Variants in MOB1B observed in about 807,000 individuals in gnomAD.
The protein encoded by MOB1B is MOB1 Mps One Binder homolog B.
Under a neutral mutation model 24.4 loss-of-function variants are expected in MOB1B, and 19 were observed. The observed-to-expected ratio is 0.78, with a 90% CI of 0.54 to 1.14. MOB1B has a LOEUF of 1.14. MOB1B is among the 50% of genes most tolerant of loss of function. The probability of loss-of-function intolerance (pLI) is 0.00; values close to 1 mark genes in which losing one functional copy is unlikely to be tolerated. For missense variants in MOB1B, 243 were observed against 259.6 expected (o/e 0.94, Z 0.44); for synonymous variants, 76 against 82.1 (o/e 0.93, Z 0.40).
chr4:70,913,977 C>G (rs1736101057), intron 1 of MOB1B, among the ~76,000 whole-genome samples: 1 of 150,666 alleles, frequency 6.6e-6, no homozygotes, highest in African/African-American at 2.4e-5. Flanking sequence ...CTGTAAAATT[C>G]ATATGTTGAA....
chr4:70,970,147 T>C, intron 3 of MOB1B, 123 bp downstream of exon 3: 1 of 596,638 alleles, frequency 1.7e-6, no homozygotes, highest in Non-Finnish European at 2.9e-6. Flanking sequence ...TGCCAGTGAC[T>C]ATTAATCTAG....
intron 1 of MOB1B, among the ~76,000 whole-genome samples, chr4:70,936,281 G>T (rs1250942518): frequency 6.6e-6 from 1 of 152,150 alleles, no homozygotes; most frequent in Non-Finnish European, 1.5e-5. Flanking sequence ...GGAATTACAG[G>T]CATGAGCCAC....
In MOB1B at chr4:70,986,182, A is replaced by G. The variant is rs1739375518; in HGVS notation, c.*4125A>G. On this transcript the variant is annotated 3_prime_UTR_variant, in exon 6 of 6. Transcript: ENST00000309395. Reference sequence around the variant, plus strand: ...TCAATTTAATTTTAACTACTGTAGGATAGTATTGATTGAATGGATACTATG... The same window carrying G: ...TCAATTTAATTTTAACTACTGTAGGGTAGTATTGATTGAATGGATACTATG... The G allele has an allele frequency of 6.6e-6, 1 of 152,146 alleles. No homozygotes were observed. The highest frequency in any genetic ancestry group is 1.5e-5 in the Non-Finnish European group (1 of 68,014). The allele number at this position is 152,146 out of a possible 1,614,324, so 9.4% of individuals were successfully genotyped here.
intron 4 of MOB1B, chr4:70,976,753 C>CATATATATATATATATATATATTTAT (rs376072053): frequency 2.8e-5 from 5 of 181,614 alleles, no homozygotes; most frequent in African/African-American, 1.5e-4. Flanking sequence ...GACTGAATTA[C>CATATATATATATATATATATATTTAT]ATATATATAT....
In MOB1B at chr4:70,958,983, C is replaced by A; in HGVS notation, c.124C>A (p.Arg42=). The A allele has an allele frequency of 1.9e-6, 3 of 1,614,112 alleles. No homozygotes were observed. The highest frequency in any genetic ancestry group is 1.7e-6 in the Non-Finnish European group (2 of 1,180,004). The change falls in exon 2 of 6, where the codon CGG becomes AGG. Residue 42 remains arginine, a synonymous_variant. Transcript: ENST00000309395. ...AGCCACACTTGGCAGTGGCAACCTT[C>A]GGATGGCTGTCATGCTTCCTGAAGG... ...AEATLGSGNL[R]MAVMLPEGED...
At chr4:70,938,191 A>G (rs1441356726) in intron 1 of MOB1B, among the ~76,000 whole-genome samples, 1 of 150,838 alleles carries the variant, frequency 6.6e-6, no homozygotes, top group African/African-American at 2.4e-5. Context: ...TGTGTGCATG[A>G]GTGTGGAGGG....
intron 1 of MOB1B, among the ~76,000 whole-genome samples, chr4:70,909,251 C>T (rs1284392138): frequency 6.6e-6 from 1 of 152,040 alleles, no homozygotes; most frequent in Admixed American, 6.6e-5. Context: ...CACTTCCCCC[C>T]AAGCCCCCAA....
intron 1 of MOB1B, among the ~76,000 whole-genome samples, chr4:70,930,581 TACA>T (rs1736847762): frequency 6.6e-6 from 1 of 152,134 alleles, no homozygotes. Flanking sequence ...ATTTATATGT[TACA>T]ACAACTCAGA....
intron 1 of MOB1B, among the ~76,000 whole-genome samples, chr4:70,952,470 C>T (rs779871437): frequency 1.1e-4 from 16 of 151,242 alleles, no homozygotes; most frequent in Non-Finnish European, 1.3e-4. Flanking sequence ...GGTGAAACCC[C>T]GTCTCTACCA....
chr4:70,967,143 T>A (rs923736197), intron 2 of MOB1B, among the ~76,000 whole-genome samples: 1 of 151,784 alleles, frequency 6.6e-6, no homozygotes, highest in Non-Finnish European at 1.5e-5. Context: ...GTCTTTTTTT[T>A]TTTTTTTTGA....
At chr4:70,935,847 ATTTTTTTTTTTT>A (rs11395356) in intron 1 of MOB1B, among the ~76,000 whole-genome samples, 1,064 of 100,392 alleles carry the variant, frequency 0.011, 21 homozygotes, top group African/African-American at 0.042. Context: ...TGGTACACTA[ATTTTTTTTTTTT>A]TTTTTTTTTT....
chr4:70,910,436 CAT>C (rs772618859), intron 1 of MOB1B, among the ~76,000 whole-genome samples: 1 of 151,162 alleles, frequency 6.6e-6, no homozygotes, highest in Non-Finnish European at 1.5e-5. Context: ...TATATACACA[CAT>C]ATGTATGTAT....
chr4:70,921,900 A>G (rs1461683571), intron 1 of MOB1B, among the ~76,000 whole-genome samples: 1 of 152,124 alleles, frequency 6.6e-6, no homozygotes, highest in Non-Finnish European at 1.5e-5. Context: ...TCAATTCTCT[A>G]TCGGGTTTTA....
chr4:70,963,009 A>G (rs1490525699), intron 2 of MOB1B, among the ~76,000 whole-genome samples: 1 of 152,180 alleles, frequency 6.6e-6, no homozygotes, highest in East Asian at 1.9e-4. Context: ...GTCTCCAACA[A>G]AAAAAGAGAA....
At chr4:70,918,481 A>G (rs567901933) in intron 1 of MOB1B, among the ~76,000 whole-genome samples, 1 of 152,018 alleles carries the variant, frequency 6.6e-6, no homozygotes, top group East Asian at 1.9e-4. Flanking sequence ...GGCTGCATAA[A>G]TGTCTTCTTT....
In MOB1B at chr4:70,914,876, C is replaced by A. The variant is rs185064558; in HGVS notation, c.14+12326C>A. On this transcript the variant is annotated intron_variant, in intron 1 of 5. Coordinates refer to ENST00000309395, the MANE Select transcript of MOB1B (RefSeq NM_173468.4). The stretch of plus-strand genomic sequence containing the variant: ...CCTCCTCTCCTTGGGGCTGTGTGGG[C>A]CCCTCCTGTAGCATATAAAGGATGA... Among the ~76,000 whole-genome samples the A allele has an allele frequency of 1.8e-3, 281 of 152,266 alleles. 1 individual carries two copies. Among genetic ancestry groups the A allele is most frequent in the African/African-American group, 6.4e-3 (265 of 41,554 alleles).
chr4:70,919,550 G>A (rs2148872327), intron 1 of MOB1B, among the ~76,000 whole-genome samples: 1 of 152,268 alleles, frequency 6.6e-6, no homozygotes, highest in East Asian at 1.9e-4. Flanking sequence ...CCAGGCTGGA[G>A]TGCAGTGGCG....
intron 1 of MOB1B, among the ~76,000 whole-genome samples, chr4:70,946,589 T>C (rs1161425205): frequency 2.0e-5 from 3 of 152,224 alleles, no homozygotes; most frequent in Non-Finnish European, 2.9e-5. Context: ...TGCATGTAAA[T>C]ATGCATATAT....
At chr4:70,915,851 G>T (rs929332419) in intron 1 of MOB1B, among the ~76,000 whole-genome samples, 1 of 152,090 alleles carries the variant, frequency 6.6e-6, no homozygotes, top group Non-Finnish European at 1.5e-5. Context: ...CTCCTTGATG[G>T]CCAGGGGTGG....
Sources: gnomAD v4.1 joint callset for allele counts (sites outside exome capture counted in the v4.1 genomes callset) on GRCh38, gnomAD v4.1.1 for gene constraint, MANE v1.5 for transcripts, NCBI Gene and HGNC (gene_info 2026-07-23, HGNC 2026-07-21) for gene names.